Variants in FOXP2 observed in about 807,000 individuals in gnomAD.
FOXP2 encodes forkhead box protein P2.
FOXP2 carries 12 observed loss-of-function variants against 115.8 expected under a neutral mutation model. The ratio of observed to expected loss-of-function variants is 0.10; its 90% CI spans 0.07 to 0.17. The LOEUF is 0.17. FOXP2 is among the 10% of genes least tolerant of loss of function. The probability of loss-of-function intolerance (pLI) is 1.00; values close to 1 mark genes in which losing one functional copy is unlikely to be tolerated. For missense variants in FOXP2, 629 were observed against 843.5 expected (o/e 0.75, Z 3.15); for synonymous variants, 328 against 297.7 (o/e 1.10, Z -1.05).
intron 2 of FOXP2, among the ~76,000 whole-genome samples, chr7:114,456,218 G>A (rs1795307295): frequency 6.6e-6 from 1 of 152,174 alleles, no homozygotes; most frequent in African/African-American, 2.4e-5. Context: ...GGGAGAAGGG[G>A]TTAGGTCAAA....
intron 1 of FOXP2, among the ~76,000 whole-genome samples, chr7:114,221,287 T>C (rs1794614542): frequency 6.6e-6 from 1 of 152,154 alleles, no homozygotes; most frequent in Non-Finnish European, 1.5e-5. Flanking sequence ...TTTTTTTATT[T>C]TATGACACAA....
intron 1 of FOXP2, among the ~76,000 whole-genome samples, chr7:114,205,048 A>G (rs1208344106): frequency 6.6e-6 from 1 of 152,116 alleles, no homozygotes; most frequent in Non-Finnish European, 1.5e-5. Context: ...CCTTAATGTG[A>G]GTTATGAAGA....
At chr7:114,172,063 C>T (rs1793158271) in intron 1 of FOXP2, among the ~76,000 whole-genome samples, 1 of 152,072 alleles carries the variant, frequency 6.6e-6, no homozygotes, top group African/African-American at 2.4e-5. Context: ...GGAATTGCTT[C>T]CTAAGGATAA....
At chr7:114,640,102 A>G (rs2129331827) in intron 6 of FOXP2, among the ~76,000 whole-genome samples, 1 of 152,312 alleles carries the variant, frequency 6.6e-6, no homozygotes, top group East Asian at 1.9e-4. Flanking sequence ...GAAAGTTCTA[A>G]TGCAAAAGAC....
upstream of FOXP2, among the ~76,000 whole-genome samples, chr7:114,162,311 A>G (rs1171848597): frequency 6.6e-6 from 1 of 152,130 alleles, no homozygotes; most frequent in Non-Finnish European, 1.5e-5. Context: ...AGATGAAACC[A>G]GATTTAGAAC....
chr7:114,276,228 G>A (rs928275139), intron 1 of FOXP2, among the ~76,000 whole-genome samples: 3 of 151,156 alleles, frequency 2.0e-5, no homozygotes, highest in Admixed American at 6.6e-5. Flanking sequence ...GTGTGATCTC[G>A]GCTCGCTGTG....
chr7:114,280,023 T>G (rs1796287920), intron 1 of FOXP2, among the ~76,000 whole-genome samples: 1 of 151,852 alleles, frequency 6.6e-6, no homozygotes. Context: ...CTAATAGCAT[T>G]TCTGAATTTT....
In FOXP2 at chr7:114,101,923, G is replaced by GTGTA. The variant is rs755644635; in HGVS notation, c.-247+14088_-247+14089insATGT. On this transcript the variant is annotated intron_variant, in intron 1 of 19. Coordinates refer to the FOXP2 transcript ENST00000635638. ...TTTGTGTGTGTGTGTGTGTGTGTGTGTGTGTGTGTGTGTGTGTCTAGAAGG... is the reference window on the plus strand; with the variant it reads ...TTTGTGTGTGTGTGTGTGTGTGTGTGTGTATGTGTGTGTGTGTGTGTCTAGAAGG... Among the ~76,000 whole-genome samples, 413 of 151,620 alleles carry GTGTA rather than the reference G, an allele frequency of 2.7e-3. 1 individual carries two copies. Among genetic ancestry groups the GTGTA allele is most frequent in the Middle Eastern group, 0.01 (3 of 294 alleles).
intron 2 of FOXP2, among the ~76,000 whole-genome samples, chr7:114,330,300 A>G (rs1797669911): frequency 6.6e-6 from 1 of 152,002 alleles, no homozygotes; most frequent in Non-Finnish European, 1.5e-5. Context: ...TGAGGCATAT[A>G]TGAAATATGG....
At position 114,455,076 on chromosome 7, in the gene FOXP2, A is replaced by C. The variant is rs538303705; in HGVS notation, c.168+28397A>C. Reference sequence around the variant, plus strand: ...CCCTAATCCTACTTTTTTGCCAGCTATTCTTCTCATTCCATAGTGTATCTC... The same window carrying C: ...CCCTAATCCTACTTTTTTGCCAGCTCTTCTTCTCATTCCATAGTGTATCTC... On this transcript the variant is annotated intron_variant, in intron 2 of 16. Transcript: ENST00000350908. 3.3e-5 allele frequency among the ~76,000 whole-genome samples: 5 copies of C among 151,924 alleles called. No homozygotes were observed. In the South Asian group the frequency reaches 1.0e-3, roughly 32 times the overall value.
At chr7:114,355,334 A>T (rs1454505953) in intron 2 of FOXP2, among the ~76,000 whole-genome samples, 1 of 152,146 alleles carries the variant, frequency 6.6e-6, no homozygotes, top group Non-Finnish European at 1.5e-5. Flanking sequence ...TCCCTGTCCC[A>T]TGGGGAGACT....
chr7:114,328,541 CCTTT>C (rs1399131918), intron 2 of FOXP2, among the ~76,000 whole-genome samples: 1 of 152,014 alleles, frequency 6.6e-6, no homozygotes, highest in Admixed American at 6.6e-5. Flanking sequence ...CAGCCTCAGC[CCTTT>C]CTTTTCGTAA....
intron 2 of FOXP2, among the ~76,000 whole-genome samples, chr7:114,359,723 C>G (rs1791701166): frequency 6.6e-6 from 1 of 152,238 alleles, no homozygotes; most frequent in African/African-American, 2.4e-5. Context: ...ATGCGGCCTG[C>G]AGCCCTTTTG....
rs534507337 is a variant in FOXP2 at position 114,156,547 on chromosome 7, T to G, written c.-246-6397T>G. On this transcript the variant is annotated intron_variant, in intron 1 of 19. Coordinates refer to the FOXP2 transcript ENST00000635638. Reference sequence around the variant, plus strand: ...CCGGGAGACCCATTCCCACTTTGTGTTGTTCCACCTTTCAAGACCAGACCA... The same window carrying G: ...CCGGGAGACCCATTCCCACTTTGTGGTGTTCCACCTTTCAAGACCAGACCA... 2.6e-5 allele frequency among the ~76,000 whole-genome samples: 4 copies of G among 152,288 alleles called. No homozygotes were observed. The South Asian group carries it at 8.3e-4, about 32-fold the overall frequency.
intron 1 of FOXP2, among the ~76,000 whole-genome samples, chr7:114,423,221 G>T (rs987810687): frequency 2.6e-5 from 4 of 151,622 alleles, no homozygotes; most frequent in Non-Finnish European, 5.9e-5. Flanking sequence ...ACACAATTCT[G>T]CAAGTAAATA....
At chr7:114,532,894 G>A (rs1475448025) in intron 2 of FOXP2, among the ~76,000 whole-genome samples, 2 of 151,810 alleles carry the variant, frequency 1.3e-5, no homozygotes, top group Non-Finnish European at 2.9e-5. Flanking sequence ...ATTATCATTT[G>A]TAGTCACTTT....
chr7:114,323,544 C>T (rs558527972), intron 2 of FOXP2, among the ~76,000 whole-genome samples: 1 of 152,040 alleles, frequency 6.6e-6, no homozygotes, highest in Admixed American at 6.5e-5. Context: ...CATTCTAAGT[C>T]AGAGTTACAA....
At chr7:114,662,921 A>G (rs2129342272) in intron 14 of FOXP2, among the ~76,000 whole-genome samples, 1 of 152,220 alleles carries the variant, frequency 6.6e-6, no homozygotes, top group African/African-American at 2.4e-5. Flanking sequence ...ACTTTAATGT[A>G]TTTTATCTAC....
intron 2 of FOXP2, among the ~76,000 whole-genome samples, chr7:114,294,822 C>A (rs1459028597): frequency 1.6e-4 from 25 of 151,684 alleles, no homozygotes; most frequent in Admixed American, 1.4e-3. Context: ...GCCTGGGCAA[C>A]AGAAGGAGAC....
Sources: gnomAD v4.1 joint callset for allele counts (sites outside exome capture counted in the v4.1 genomes callset) on GRCh38, gnomAD v4.1.1 for gene constraint, MANE v1.5 for transcripts, NCBI Gene and HGNC (gene_info 2026-07-23, HGNC 2026-07-21) for gene names.